DACH2: variants seen among roughly 807,000 people sequenced by gnomAD.
DACH2 encodes the protein dachshund family transcription factor 2, also known as dachshund homolog 2.
DACH2 carries 17 observed loss-of-function variants against 35.8 expected under a neutral mutation model. That is an observed-to-expected ratio of 0.48 (90% CI 0.33 to 0.71). DACH2 has a LOEUF of 0.71. Among genes scored for constraint, DACH2 ranks in the 30% least tolerant of loss-of-function variants. DACH2 has a pLI of 0.02. For synonymous variants in DACH2, 195 were observed against 177.3 expected, an observed-to-expected ratio of 1.10 and a Z score of -0.79; for missense variants, 469 against 472.7, an observed-to-expected ratio of 0.99 and a Z score of 0.07.
chrX:86,295,679 T>A (rs2034436634), intron 1 of DACH2, among the ~76,000 whole-genome samples: 1 of 111,000 alleles, frequency 9.0e-6, no homozygotes, highest in African/African-American at 3.3e-5. Context: ...TTGGTCGGGT[T>A]TTGCTTTTTG....
intron 1 of DACH2, among the ~76,000 whole-genome samples, chrX:86,241,562 G>A (rs1039186570): frequency 8.9e-6 from 1 of 112,315 alleles, no homozygotes; most frequent in African/African-American, 3.2e-5. Flanking sequence ...GCATGATCAT[G>A]AGGTAGAAGA....
At chrX:86,387,453 CTT>C (rs1341903016) in intron 2 of DACH2, among the ~76,000 whole-genome samples, 1 of 111,489 alleles carries the variant, frequency 9.0e-6, no homozygotes, top group Non-Finnish European at 1.9e-5. Flanking sequence ...TGGAATTTGT[CTT>C]TGGAAATCTT....
chrX:86,764,665 C>A (rs1258496756), intron 7 of DACH2, among the ~76,000 whole-genome samples: 4 of 111,251 alleles, frequency 3.6e-5, no homozygotes, highest in Non-Finnish European at 7.5e-5. Context: ...TGTCTCTGCT[C>A]TTGTGAATAG....
At chrX:86,342,897 T>C (rs138264131) in intron 1 of DACH2, among the ~76,000 whole-genome samples, 1,484 of 111,842 alleles carry the variant, frequency 0.013, 21 homozygotes, top group African/African-American at 0.046. Flanking sequence ...GCCATCAACA[T>C]GTAAACAAGA....
At chrX:86,721,018 C>A (rs1468646847) in intron 6 of DACH2, among the ~76,000 whole-genome samples, 1 of 112,428 alleles carries the variant, frequency 8.9e-6, no homozygotes, top group Non-Finnish European at 1.9e-5. Flanking sequence ...CCCTTTTAGC[C>A]ACAGCTGGAG....
intron 1 of DACH2, among the ~76,000 whole-genome samples, chrX:86,305,458 C>T (rs1407484823): frequency 6.3e-5 from 7 of 111,549 alleles, no homozygotes; most frequent in Admixed American, 9.5e-5. Flanking sequence ...ATGTAAGGCT[C>T]GAAACTATAG....
chrX:86,305,422 A>G (rs753609920), intron 1 of DACH2, among the ~76,000 whole-genome samples: 5 of 112,121 alleles, frequency 4.5e-5, no homozygotes, highest in Non-Finnish European at 9.4e-5. Context: ...AAAAAAAAAT[A>G]AACTCAAAAT....
intron 1 of DACH2, among the ~76,000 whole-genome samples, chrX:86,232,176 A>G (rs1049223726): frequency 5.4e-5 from 6 of 111,518 alleles, no homozygotes; most frequent in African/African-American, 1.6e-4. Context: ...GACGATCTTG[A>G]AAAGATAACA....
chrX:86,802,838 TG>T (rs2042307777), intron 7 of DACH2, among the ~76,000 whole-genome samples: 2 of 111,444 alleles, frequency 1.8e-5, no homozygotes. Context: ...TTTATGGAAA[TG>T]GGTGCCCTCC....
chrX:86,430,301 G>A (rs1255624466), intron 2 of DACH2, among the ~76,000 whole-genome samples: 2 of 112,171 alleles, frequency 1.8e-5, no homozygotes, highest in African/African-American at 6.5e-5. Flanking sequence ...TGTGCTGTGA[G>A]TGTAAAATAC....
At chrX:86,296,397 A>AAAAAAAAAAG (rs2034462158) in intron 1 of DACH2, among the ~76,000 whole-genome samples, 1 of 94,021 alleles carries the variant, frequency 1.1e-5, no homozygotes, top group Non-Finnish European at 2.0e-5. Flanking sequence ...AAAAAAAAAA[A>AAAAAAAAAAG]AAAAAAAAAA....
intron 3 of DACH2, among the ~76,000 whole-genome samples, chrX:86,602,177 G>T (rs2039798612): frequency 9.0e-6 from 1 of 111,637 alleles, no homozygotes; most frequent in South Asian, 3.7e-4. Context: ...TGTAGCCTTT[G>T]TTAGTAGTTG....
chrX:86,196,938 C>A (rs1031323634), intron 1 of DACH2, among the ~76,000 whole-genome samples: 3 of 109,448 alleles, frequency 2.7e-5, no homozygotes, highest in Middle Eastern at 4.7e-3. Context: ...AAAAGAAGAC[C>A]ATCCCGAAGA....
chrX:86,308,217 A>T (rs768131960), intron 1 of DACH2, among the ~76,000 whole-genome samples: 4 of 112,719 alleles, frequency 3.5e-5, no homozygotes, highest in Non-Finnish European at 5.6e-5. Flanking sequence ...TTTGAAGAGC[A>T]TTATAGTTGT....
chrX:86,414,417 G>A (rs1231279073), intron 2 of DACH2, among the ~76,000 whole-genome samples: 1 of 111,176 alleles, frequency 9.0e-6, no homozygotes, highest in Non-Finnish European at 1.9e-5. Context: ...ATTTGAGTGT[G>A]GCCAGTTGGT....
chrX:86,716,628 C>T (rs1292588750), intron 6 of DACH2, among the ~76,000 whole-genome samples: 1 of 111,828 alleles, frequency 8.9e-6, no homozygotes, highest in Non-Finnish European at 1.9e-5. Context: ...ATGCATATGA[C>T]TCTTAAAAGT....
chrX:86,774,799 T>C (rs765865980), intron 7 of DACH2, among the ~76,000 whole-genome samples: 123 of 112,272 alleles, frequency 1.1e-3, no homozygotes, highest in African/African-American at 3.8e-3. Context: ...TGTGCCTGCA[T>C]GTTTGTATAC....
chrX:86,423,532 T>C, intron 2 of DACH2, among the ~76,000 whole-genome samples: 2 of 109,381 alleles, frequency 1.8e-5, no homozygotes, highest in Middle Eastern at 4.6e-3. Flanking sequence ...TTTTTTTTTT[T>C]CTATAGACTT....
intron 1 of DACH2, among the ~76,000 whole-genome samples, chrX:86,342,444 A>G (rs1276572469): frequency 8.1e-5 from 9 of 111,393 alleles, no homozygotes; most frequent in Non-Finnish European, 1.3e-4. Flanking sequence ...TGATGCTGCA[A>G]TGAGCAGTGA....
Sources: allele counts gnomAD v4.1 joint callset (sites outside exome capture counted in the v4.1 genomes callset), GRCh38; gene constraint gnomAD v4.1.1; transcripts MANE v1.5; gene names NCBI Gene and HGNC (gene_info 2026-07-23, HGNC 2026-07-21).